The following ATP8A2 variants were observed in gnomAD, a reference collection of about 807,000 sequenced individuals.
The protein encoded by ATP8A2 is ATPase phospholipid transporting 8A2.
ATP8A2 carries 100 observed loss-of-function variants against 165.6 expected under a neutral mutation model. That is an observed-to-expected ratio of 0.60 (90% CI 0.51 to 0.71). The LOEUF (loss-of-function observed/expected upper bound fraction) is 0.71, where lower values mean the gene tolerates loss of function less well. ATP8A2 is among the 30% of genes least tolerant of loss of function. The pLI is 0.00. For synonymous variants in ATP8A2, 543 were observed against 548.8 expected (o/e 0.99, Z 0.15); for missense variants, 1,227 against 1,479.5 (o/e 0.83, Z 2.80).
intron 35 of ATP8A2, among the ~76,000 whole-genome samples, chr13:25,978,327 T>C (rs926929351): frequency 1.3e-5 from 2 of 152,144 alleles, no homozygotes; most frequent in East Asian, 3.9e-4. Flanking sequence ...GCGTTATCAG[T>C]GAGTTGTTTG....
intron 1 of ATP8A2, among the ~76,000 whole-genome samples, chr13:25,440,892 C>A (rs2034914465): frequency 6.6e-6 from 1 of 152,094 alleles, no homozygotes. Flanking sequence ...TGTTGAGACC[C>A]TTGACGTAGC....
At chr13:25,717,567 A>G (rs1007629750) in intron 25 of ATP8A2, among the ~76,000 whole-genome samples, 2 of 152,196 alleles carry the variant, frequency 1.3e-5, no homozygotes, top group Non-Finnish European at 2.9e-5. Context: ...ACTTTAATGT[A>G]CTTCTTTTAC....
chr13:25,533,193 A>G, intron 5 of ATP8A2, 80 bp from the exon 6 acceptor site: 3 of 782,192 alleles, frequency 3.8e-6, no homozygotes, highest in Non-Finnish European at 4.3e-6. Flanking sequence ...ATGGAATTCT[A>G]AAAGAAAGCT....
At chr13:25,650,507 G>A (rs1249994358) in intron 24 of ATP8A2, among the ~76,000 whole-genome samples, 2 of 152,020 alleles carry the variant, frequency 1.3e-5, no homozygotes, top group East Asian at 1.9e-4. Context: ...AGTTTTTATG[G>A]TCTATTTCTT....
chr13:25,756,194 G>GT (rs71077496), intron 25 of ATP8A2, among the ~76,000 whole-genome samples: 19,635 of 152,124 alleles, frequency 0.13, 1,424 homozygotes, highest in East Asian at 0.22. Context: ...GCCAGGATAG[G>GT]TTTTTTCACC....
At chr13:25,522,079 A>G (rs971096106) in intron 2 of ATP8A2, among the ~76,000 whole-genome samples, 4 of 152,292 alleles carry the variant, frequency 2.6e-5, no homozygotes, top group African/African-American at 9.6e-5. Flanking sequence ...CACTTGAATA[A>G]TATTAATTCT....
rs1593198060 is a variant in ATP8A2 at position 25,688,290 on chromosome 13, G to C, written c.2212-10883G>C. Among the ~76,000 whole-genome samples, 3 of 152,000 alleles carry C rather than the reference G, an allele frequency of 2.0e-5. No individual in the cohort carries two copies. In the South Asian group the frequency reaches 6.3e-4, roughly 32 times the overall value. The stretch of plus-strand genomic sequence containing the variant: ...CATGACCTTCCCTCCTTGCCAGTCT[G>C]TGTAAAATAAAGAATGGTGAGGAGA... On this transcript the variant is annotated intron_variant, in intron 24 of 36. Coordinates refer to ENST00000381655, the MANE Select transcript of ATP8A2 (RefSeq NM_016529.6).
chr13:25,820,150 G>A (rs1178452538), intron 27 of ATP8A2, among the ~76,000 whole-genome samples: 1 of 152,188 alleles, frequency 6.6e-6, no homozygotes, highest in African/African-American at 2.4e-5. Context: ...CGATGGCAGC[G>A]GGACGTCCAG....
At chr13:25,977,212 T>G (rs1291521880) in intron 35 of ATP8A2, among the ~76,000 whole-genome samples, 1 of 151,706 alleles carries the variant, frequency 6.6e-6, no homozygotes, top group African/African-American at 2.4e-5. Context: ...ATGAAAAAAT[T>G]AATTGAATGC....
chr13:25,619,586 G>A (rs796640938), intron 24 of ATP8A2, among the ~76,000 whole-genome samples: 8 of 152,268 alleles, frequency 5.3e-5, no homozygotes, highest in African/African-American at 1.9e-4. Context: ...ACTATAAAAT[G>A]TAGCACAGCA....
intron 24 of ATP8A2, among the ~76,000 whole-genome samples, chr13:25,609,565 T>TCAAATATATATATATATATTTGAATC: frequency 8.3e-6 from 1 of 120,776 alleles, no homozygotes; most frequent in African/African-American, 3.0e-5. Flanking sequence ...ATATTTGGAT[T>TCAAATATATATATATATATTTGAATC]CAAATATATA....
intron 33 of ATP8A2, among the ~76,000 whole-genome samples, chr13:25,941,017 G>A (rs1326988013): frequency 2.6e-5 from 4 of 152,112 alleles, no homozygotes; most frequent in East Asian, 1.9e-4. Context: ...GCCCTTCTCC[G>A]GCCACATGGA....
At chr13:25,687,813 G>C (rs1162793705) in intron 24 of ATP8A2, among the ~76,000 whole-genome samples, 5 of 152,208 alleles carry the variant, frequency 3.3e-5, no homozygotes, top group Non-Finnish European at 7.3e-5. Context: ...CACAGGCAGA[G>C]GTTAGGCTCC....
chr13:25,416,861 T>A (rs1566116681), intron 1 of ATP8A2, among the ~76,000 whole-genome samples: 1 of 152,208 alleles, frequency 6.6e-6, no homozygotes, highest in Non-Finnish European at 1.5e-5. Flanking sequence ...AAGCAACTTC[T>A]TTTCAGGTTG....
At chr13:25,821,239 A>G (rs1290721588) in intron 27 of ATP8A2, among the ~76,000 whole-genome samples, 3 of 152,240 alleles carry the variant, frequency 2.0e-5, no homozygotes, top group Non-Finnish European at 4.4e-5. Flanking sequence ...GTTAAATGAA[A>G]TGAAGAATGA....
At chr13:25,389,794 G>T (rs2033179456) in intron 1 of ATP8A2, among the ~76,000 whole-genome samples, 1 of 152,204 alleles carries the variant, frequency 6.6e-6, no homozygotes, top group South Asian at 2.1e-4. Context: ...TCTGGCTGGG[G>T]AGAGAAGACC....
In ATP8A2 at chr13:25,631,249, G is replaced by C. The variant is rs1020695081; in HGVS notation, c.2211+41550G>C. On this transcript the variant is annotated intron_variant, in intron 24 of 36. Transcript: ENST00000381655. ...TGATGGTGAGGCTCATCTGTGCTCT[G>C]TTCAGCACCTCCGCTCACGTGTGGC... 3.5e-4 allele frequency among the ~76,000 whole-genome samples: 53 copies of C among 152,276 alleles called. 1 individual carries two copies. The highest frequency in any genetic ancestry group is 3.3e-3 in the South Asian group (16 of 4,824).
chr13:26,020,260 T>C lies in ATP8A2; in HGVS notation c.*275T>C. 2.3e-6 allele frequency: 1 copy of C among 441,540 alleles called. No individual in the cohort carries two copies. Among genetic ancestry groups the C allele is most frequent in the Non-Finnish European group, 4.1e-6 (1 of 246,868 alleles). The allele number at this position is 441,540 out of a possible 1,614,324, so 27.4% of individuals were successfully genotyped here. ...AAGCATTCAACTGTGCTCTGTGAGGTGTGAAATTAAAAACATTATGTTTCA... is the reference window on the plus strand; with the variant it reads ...AAGCATTCAACTGTGCTCTGTGAGGCGTGAAATTAAAAACATTATGTTTCA... On this transcript the variant is annotated 3_prime_UTR_variant, in exon 37 of 37. Transcript: ENST00000381655.
intron 24 of ATP8A2, among the ~76,000 whole-genome samples, chr13:25,614,789 C>T (rs1369826708): frequency 2.0e-5 from 3 of 152,174 alleles, no homozygotes; most frequent in Non-Finnish European, 4.4e-5. Context: ...ATCTAGCCAC[C>T]CAGCAGAGCT....
Sources: allele counts gnomAD v4.1 joint callset (sites outside exome capture counted in the v4.1 genomes callset), GRCh38; gene constraint gnomAD v4.1.1; transcripts MANE v1.5; gene names NCBI Gene and HGNC (gene_info 2026-07-23, HGNC 2026-07-21).